Variants in GSTM3 observed in about 807,000 individuals in gnomAD.
The protein encoded by GSTM3 is GST class-mu 3.
GSTM3 carries 34 observed loss-of-function variants against 36.1 expected under a neutral mutation model. The ratio of observed to expected loss-of-function variants is 0.94; its 90% CI spans 0.72 to 1.25. GSTM3 has a LOEUF of 1.25. Among genes scored for constraint, GSTM3 ranks in the 50% most tolerant of loss-of-function variants. The pLI is 0.00. For missense variants in GSTM3, 266 were observed against 281.6 expected, an observed-to-expected ratio of 0.94 and a Z score of 0.40; for synonymous variants, 102 against 99.5, an observed-to-expected ratio of 1.03 and a Z score of -0.15.
At chr1:109,740,122 G>GCGGGTCGACATCCGTGGCTCGT in intron 2 of GSTM3, 118 bp downstream of exon 2, 1 of 1,026,362 alleles carries the variant, frequency 9.7e-7, no homozygotes, top group South Asian at 1.4e-5. Context: ...CCGTGGCTCG[G>GCGGGTCGACATCCGTGGCTCGT]CAGCTCGAAA....
At chr1:109,740,097 G>A (rs1394938433) in intron 2 of GSTM3, 143 bp downstream of exon 2, 1 of 911,890 alleles carries the variant, frequency 1.1e-6, no homozygotes, top group South Asian at 1.5e-5. Context: ...CCAGAGGCTG[G>A]GCAGGGGTCG....
At chr1:109,740,785 C>CT (rs1469851447) in intron 1 of GSTM3, among the ~76,000 whole-genome samples, 168 bp downstream of exon 1, 3 of 152,224 alleles carry the variant, frequency 2.0e-5, no homozygotes. Context: ...GCTCCCCTCT[C>CT]TGTCAGTCAA....
At position 109,737,059 on chromosome 1, in the gene GSTM3, T is replaced by A. The variant is rs377397634; in HGVS notation, c.*12A>T. The stretch of plus-strand genomic sequence containing the variant: ...GATGAAACAAAACAAGCTCTGCAAG[T>A]CTGCCTCCTGCTCAGCATACAGGCT... On this transcript the variant is annotated 3_prime_UTR_variant, in exon 9 of 9. Transcript: ENST00000361066. 5.2e-5 allele frequency: 80 copies of A among 1,552,190 alleles called. No individual in the cohort carries two copies. Among genetic ancestry groups the A allele is most frequent in the Non-Finnish European group, 6.9e-5 (77 of 1,123,646 alleles).
At chr1:109,739,053 T>C (rs1028921553) in intron 4 of GSTM3, among the ~76,000 whole-genome samples, 1 of 152,142 alleles carries the variant, frequency 6.6e-6, no homozygotes, top group Non-Finnish European at 1.5e-5. Flanking sequence ...CCTGGGAGGT[T>C]GAGGCTGCAG....
rs1297769224 is a variant in GSTM3, at chr1:109,739,867, G to A, written c.90C>T (p.Thr30=). 1.9e-6 allele frequency: 3 copies of A among 1,555,162 alleles called. No homozygotes were observed. In the South Asian group the frequency reaches 3.6e-5, roughly 18 times the overall value. The part of the protein sequence containing the change: ...AIRLLLEFTD[T]SYEEKRYTCG... Reference sequence around the variant, plus strand: ...ACGTGTACCGTTTCTCCTCATAAGAGGTATCCGTGAACTCCAGGAGCAGGC... The same window carrying A: ...ACGTGTACCGTTTCTCCTCATAAGAAGTATCCGTGAACTCCAGGAGCAGGC... Residue 30 remains threonine, a synonymous_variant, in exon 3 of 9, where the codon ACC becomes ACT. Coordinates refer to ENST00000361066, the MANE Select transcript of GSTM3 (RefSeq NM_000849.5).
rs775242685 is a variant in GSTM3 at position 109,737,104 on chromosome 1, CTTG to C, written c.642_644del (p.Asn214del). The C allele has an allele frequency of 9.3e-5, 150 of 1,613,376 alleles. No homozygotes were observed. Among genetic ancestry groups the C allele is most frequent in the Non-Finnish European group, 1.2e-4 (141 of 1,179,420 alleles). ...CAGGCTTGTTGCCCCACTGGGCCAT[CTTG>C]TTGTTGATGGGCATCTTGCAGAACT... On this transcript the variant is annotated inframe_deletion, in exon 9 of 9. Coordinates refer to ENST00000361066, the MANE Select transcript of GSTM3 (RefSeq NM_000849.5).
Position 109,738,135 on chromosome 1 carries a change from C to T in GSTM3, c.328G>A (p.Asp110Asn). The change falls in exon 6 of 9, where the codon GAT becomes AAT. Residue 110 changes from aspartate (D) to asparagine (N), a missense_variant. Coordinates refer to ENST00000361066, the MANE Select transcript of GSTM3 (RefSeq NM_000849.5). ...AGCCTTATCAGTTGTGTGCGGAAAT[C>T]CATTACTTGGTTCTCTATGATGTCC... ...RVDIIENQVMDFRTQLIRLCY... is the reference protein window; with the variant it reads ...RVDIIENQVMNFRTQLIRLCY... The T allele has an allele frequency of 6.2e-7, 1 of 1,613,968 alleles. No homozygotes were observed.
At chr1:109,737,877 G>T in intron 6 of GSTM3, 126 bp from the exon 7 acceptor site, 1 of 713,954 alleles carries the variant, frequency 1.4e-6, no homozygotes, top group Non-Finnish European at 2.4e-6. Flanking sequence ...CTTGAGGATG[G>T]CAGGGTGGGG....
chr1:109,734,169 T>G lies in GSTM3; in HGVS notation c.*2902A>C, dbSNP rs1649141978. 1.3e-5 allele frequency: 2 copies of G among 152,212 alleles called. No individual in the cohort carries two copies. The highest frequency in any genetic ancestry group is 4.1e-4 in the South Asian group (2 of 4,832). The allele number at this position is 152,212 out of a possible 1,614,324, so 9.4% of individuals were successfully genotyped here. A position where few individuals can be genotyped will look rare whatever the true frequency, so the allele number is the denominator to read the frequency against. Reference sequence around the variant, plus strand: ...GGGACTCCATCTTGGTTATTACCCATGAGTGCCTAAGCAAAACCCATGGGG... The same window carrying G: ...GGGACTCCATCTTGGTTATTACCCAGGAGTGCCTAAGCAAAACCCATGGGG... On this transcript the variant is annotated 3_prime_UTR_variant, in exon 9 of 9. Transcript: ENST00000361066.
At chr1:109,737,797 G>T in intron 6 of GSTM3, 46 bp from the exon 7 acceptor site, 1 of 1,179,064 alleles carries the variant, frequency 8.5e-7, no homozygotes, top group Non-Finnish European at 1.2e-6. Flanking sequence ...CATCTTTGTA[G>T]TTAATCAGGG....
chr1:109,738,227 C>T, intron 5 of GSTM3, 36 bp from the exon 6 acceptor site: 2 of 1,594,568 alleles, frequency 1.3e-6, no homozygotes, highest in Non-Finnish European at 1.7e-6. Context: ...CCCTTGGCAT[C>T]ATCCACTCTC....
chr1:109,739,731 G>T, intron 3 of GSTM3, 102 bp downstream of exon 3: 1 of 889,656 alleles, frequency 1.1e-6, no homozygotes, highest in Non-Finnish European at 1.8e-6. Context: ...TGGGGCAAAC[G>T]TCCCACCCGG....
chr1:109,740,601 C>A (rs116770329), intron 1 of GSTM3, 90 bp from the exon 2 acceptor site: 1 of 394,084 alleles, frequency 2.5e-6, no homozygotes, highest in Non-Finnish European at 4.6e-6. Context: ...CCAGTGAAGA[C>A]GCGAAAAGCA....
In GSTM3 at chr1:109,740,228, G is replaced by A; in HGVS notation, c.48+12C>T. ...TTTGACCGAGCGGCTCTACCGTTGAGACGGCACTCACCCCACGAATATCCC... is the reference window on the plus strand; with the variant it reads ...TTTGACCGAGCGGCTCTACCGTTGAAACGGCACTCACCCCACGAATATCCC... On this transcript the variant is annotated intron_variant, in intron 2 of 8. Coordinates refer to ENST00000361066, the MANE Select transcript of GSTM3 (RefSeq NM_000849.5). 5 of 1,611,958 alleles carry A rather than the reference G, an allele frequency of 3.1e-6. No homozygotes were observed. Among genetic ancestry groups the A allele is most frequent in the Non-Finnish European group, 4.2e-6 (5 of 1,178,300 alleles).
In GSTM3 at chr1:109,740,385, G is replaced by A; in HGVS notation, c.-98C>T. On this transcript the variant is annotated 5_prime_UTR_variant, in exon 2 of 9. Transcript: ENST00000361066. ...GGCGGGGCCCACGCGCGGGCGCCCT[G>A]ACTCCGCCTCCGCCCCGTTCTCCGT... The A allele has an allele frequency of 1.9e-6, 2 of 1,056,004 alleles. No homozygotes were observed. The highest frequency in any genetic ancestry group is 1.6e-5 in the African/African-American group (1 of 63,236). The allele number at this position is 1,056,004 out of a possible 1,614,324, so 65.4% of individuals were successfully genotyped here. A position where few individuals can be genotyped will look rare whatever the true frequency, so the allele number is the denominator to read the frequency against.
Position 109,738,084 on chromosome 1 carries a change from A to C in GSTM3, c.372+7T>G. Reference sequence around the variant, plus strand: ...CCATTCAGCAGATGTGTGCTAAGGAAACTCACGTGGTCAGAGCTGTAACAG... The same window carrying C: ...CCATTCAGCAGATGTGTGCTAAGGACACTCACGTGGTCAGAGCTGTAACAG... On this transcript the variant is annotated splice_region_variant and intron_variant, in intron 6 of 8. Transcript: ENST00000361066. 3 of 1,590,020 alleles carry C rather than the reference A, an allele frequency of 1.9e-6. No homozygotes were observed. The highest frequency in any genetic ancestry group is 2.6e-6 in the Non-Finnish European group (3 of 1,158,050).
rs1649146611 is a variant in GSTM3 at position 109,734,378 on chromosome 1, T to C, written c.*2693A>G. ...TTAACTGTAGAGGCAGTATAGGCAC[T>C]GTCTTGCCGTTGTTCTTGTGAACAT... On this transcript the variant is annotated 3_prime_UTR_variant, in exon 9 of 9. Transcript: ENST00000361066. The C allele has an allele frequency of 6.6e-6, 1 of 152,244 alleles. No homozygotes were observed. Among genetic ancestry groups the C allele is most frequent in the Non-Finnish European group, 1.5e-5 (1 of 68,036 alleles). 9.4% of individuals were successfully genotyped at this position (152,244 alleles called of 1,614,324 possible).
At chr1:109,737,302 G>C in intron 8 of GSTM3, 133 bp from the exon 9 acceptor site, 1 of 804,274 alleles carries the variant, frequency 1.2e-6, no homozygotes, top group Non-Finnish European at 2.2e-6. Flanking sequence ...CCAAGGTATA[G>C]AAGTTAGGCT....
At chr1:109,738,424 C>G in intron 4 of GSTM3, 58 bp from the exon 5 acceptor site, 2 of 1,101,692 alleles carry the variant, frequency 1.8e-6, no homozygotes, top group South Asian at 2.6e-5. Flanking sequence ...TTCCCTACCT[C>G]TCTCTCCAGG....
Sources: gnomAD v4.1 joint callset for allele counts (sites outside exome capture counted in the v4.1 genomes callset) on GRCh38, gnomAD v4.1.1 for gene constraint, MANE v1.5 for transcripts, NCBI Gene and HGNC (gene_info 2026-07-23, HGNC 2026-07-21) for gene names.